Variants in VRTN observed in about 807,000 individuals in gnomAD.
The protein encoded by VRTN is vertebrae development associated, also known as vertnin.
In VRTN, 5 loss-of-function variants were observed where a neutral mutation model predicts 18.2. That is an observed-to-expected ratio of 0.27 (90% confidence interval 0.14 to 0.58). The LOEUF (loss-of-function observed/expected upper bound fraction) is 0.58, where lower values mean the gene tolerates loss of function less well. Among genes scored for constraint, VRTN ranks in the 20% least tolerant of loss-of-function variants. The pLI is 0.91. For missense variants in VRTN, 741 were observed against 939.4 expected, an observed-to-expected ratio of 0.79 and a Z score of 2.76; for synonymous variants, 381 against 393.7, an observed-to-expected ratio of 0.97 and a Z score of 0.38.
chr14:74,357,638 CTG>C lies in VRTN; in HGVS notation c.858_859del (p.Cys286Ter). 2 of 1,613,998 alleles carry C rather than the reference CTG, an allele frequency of 1.2e-6. No individual in the cohort carries two copies. The highest frequency in any genetic ancestry group is 1.7e-6 in the Non-Finnish European group (2 of 1,180,038). On this transcript the variant is annotated frameshift_variant, in exon 2 of 2. Coordinates refer to ENST00000256362, the MANE Select transcript of VRTN (RefSeq NM_018228.3). LOFTEE classifies it low-confidence loss of function (END_TRUNC). The surrounding 1 kb of genome is among the most constrained non-coding windows in gnomAD (Gnocchi z 7.8). ...REPGLSYSHL[C>X]ERYSVTKSTF... ...AACCTGGCCTCAGCTACTCTCACCT[CTG>C]TGAGCGCTACAGCGTCACCAAAAGC...
intron 1 of VRTN, among the ~76,000 whole-genome samples, chr14:74,312,460 T>C (rs2085394202): frequency 6.6e-6 from 1 of 151,950 alleles, no homozygotes; most frequent in African/African-American, 2.4e-5. Flanking sequence ...TTAATCTCTC[T>C]TTTTTTTCAA....
At chr14:74,352,876 C>A (rs1357546123) in intron 1 of VRTN, among the ~76,000 whole-genome samples, 2 of 152,154 alleles carry the variant, frequency 1.3e-5, no homozygotes, top group Non-Finnish European at 2.9e-5. Context: ...TAAAAAGTGT[C>A]TATGAAGGAA....
In VRTN at chr14:74,358,433, T is replaced by C; in HGVS notation, c.1650T>C (p.Gly550=). Residue 550 remains glycine, a synonymous_variant, in exon 2 of 2, where the codon GGT becomes GGC. Transcript: ENST00000256362. This position sits in a 1 kb window ranked among gnomAD's most constrained non-coding sequence, Gnocchi z 5.4. ...AFWVWKSLAR[G]WPRGLSKLQV... is the part of the protein sequence containing the mutation. Reference sequence around the variant, plus strand: ...GGGTCTGGAAGAGTCTTGCTCGGGGTTGGCCCAGAGGCCTGTCCAAACTTC... The same window carrying C: ...GGGTCTGGAAGAGTCTTGCTCGGGGCTGGCCCAGAGGCCTGTCCAAACTTC... The C allele has an allele frequency of 6.2e-7, 1 of 1,614,132 alleles. No individual in the cohort carries two copies.
At chr14:74,313,235 G>A (rs1444262911) in intron 1 of VRTN, among the ~76,000 whole-genome samples, 4 of 152,070 alleles carry the variant, frequency 2.6e-5, no homozygotes, top group East Asian at 1.9e-4. Flanking sequence ...CCAGCCCAGC[G>A]CCTGGCACAT....
chr14:74,328,724 G>A (rs1236084258), intron 1 of VRTN, among the ~76,000 whole-genome samples: 1 of 152,252 alleles, frequency 6.6e-6, no homozygotes, highest in Non-Finnish European at 1.5e-5. Flanking sequence ...TTGGCCAGGT[G>A]CCCTGGCTCA....
chr14:74,325,291 G>A (rs777903503), intron 1 of VRTN, among the ~76,000 whole-genome samples: 4 of 151,996 alleles, frequency 2.6e-5, no homozygotes, highest in Admixed American at 1.3e-4. Flanking sequence ...ATGGTATATA[G>A]AAGGAAAAAG....
At chr14:74,315,278 A>G (rs1027921430) in intron 1 of VRTN, among the ~76,000 whole-genome samples, 3 of 152,030 alleles carry the variant, frequency 2.0e-5, no homozygotes, top group Admixed American at 1.3e-4. Flanking sequence ...TAGCGGTGTG[A>G]TCTTGGCTCA....
Position 74,356,846 on chromosome 14 carries a change from C to A in VRTN, c.63C>A (p.Cys21Ter). 1 of 1,613,092 alleles carries A rather than the reference C, an allele frequency of 6.2e-7. No individual in the cohort carries two copies. The highest frequency in any genetic ancestry group is 2.2e-5 in the East Asian group (1 of 44,872). Residue 21 changes from cysteine to a stop codon, truncating the protein, a stop_gained, in exon 2 of 2, where the codon TGC becomes TGA. Transcript: ENST00000256362. LOFTEE classifies it high-confidence loss of function. ...AGGAGCTGCAGGAAGCAGTGGAGTG[C>A]GAAGGCCTGGAGGGTCTCATAGGTG... ...VLQELQEAVE[C>*]EGLEGLIGAS...
rs756612156 is a variant in VRTN, at chr14:74,358,404, T to C, written c.1621T>C (p.Phe541Leu). 6 of 1,614,032 alleles carry C rather than the reference T, an allele frequency of 3.7e-6. No homozygotes were observed. Among genetic ancestry groups the C allele is most frequent in the Non-Finnish European group, 5.1e-6 (6 of 1,180,048 alleles). The change falls in exon 2 of 2, where the codon TTT becomes CTT. Residue 541 changes from phenylalanine (F) to leucine (L), a missense_variant. Physicochemically the swap from Phe to Leu is conservative, Grantham distance 22. Transcript: ENST00000256362. This position sits in a 1 kb window ranked among gnomAD's most constrained non-coding sequence, Gnocchi z 5.4. ...LRYPSLSPSA[F>L]WVWKSLARGW... is the part of the protein sequence containing the mutation. ...CTACCCCAGCCTGTCACCTTCTGCC[T>C]TTTGGGTCTGGAAGAGTCTTGCTCG...
intron 1 of VRTN, among the ~76,000 whole-genome samples, chr14:74,304,447 T>A (rs1043803089): frequency 2.6e-5 from 4 of 152,198 alleles, no homozygotes; most frequent in Non-Finnish European, 1.5e-5. Context: ...TGAATCACCG[T>A]GCCCGGCCTA....
intron 1 of VRTN, among the ~76,000 whole-genome samples, chr14:74,318,711 C>A (rs1452919296): frequency 8.2e-6 from 1 of 121,690 alleles, no homozygotes; most frequent in African/African-American, 3.4e-5. Context: ...CGTGTCCGGC[C>A]TTTTTTTTTT....
chr14:74,337,571 G>A (rs1000465225), intron 1 of VRTN, among the ~76,000 whole-genome samples: 4 of 152,104 alleles, frequency 2.6e-5, no homozygotes, highest in Non-Finnish European at 5.9e-5. Flanking sequence ...ATGAAATAGA[G>A]AGGGCTGAAG....
intron 1 of VRTN, among the ~76,000 whole-genome samples, chr14:74,312,502 G>T (rs2085394500): frequency 6.6e-6 from 1 of 152,150 alleles, no homozygotes; most frequent in Non-Finnish European, 1.5e-5. Flanking sequence ...CCAGGCTGGA[G>T]TGCAGTGATG....
Position 74,332,335 on chromosome 14 carries a change from G to GTTTTTTT in VRTN, c.-163-5353_-163-5347dup, listed in dbSNP as rs67857502. Among the ~76,000 whole-genome samples the GTTTTTTT allele has an allele frequency of 3.3e-4, 13 of 39,540 alleles. 3 individuals are homozygous for GTTTTTTT. The highest frequency in any genetic ancestry group is 4.5e-4 in the Non-Finnish European group (9 of 20,016). The allele number at this position is 39,540 out of a possible 152,430, so 25.9% of individuals were successfully genotyped here. A position where few individuals can be genotyped will look rare whatever the true frequency, so the allele number is the denominator to read the frequency against. On this transcript the variant is annotated intron_variant, in intron 1 of 2. Coordinates refer to the VRTN transcript ENST00000557177. ...CCTCCGGAGGATCGACTCCTAATCT[G>GTTTTTTT]TTTTTTTTTTTTTTTTTTTTTTTTT...
chr14:74,323,745 G>A (rs905869284), intron 1 of VRTN, among the ~76,000 whole-genome samples: 1 of 152,122 alleles, frequency 6.6e-6, no homozygotes, highest in African/African-American at 2.4e-5. Flanking sequence ...TCCTCCCACT[G>A]GAAGGTCAGG....
intron 2 of VRTN, among the ~76,000 whole-genome samples, chr14:74,342,512 C>T (rs1205235524): frequency 6.6e-6 from 1 of 151,672 alleles, no homozygotes; most frequent in Non-Finnish European, 1.5e-5. Flanking sequence ...TATGTGTGTG[C>T]ATATATGTGT....
At chr14:74,327,078 G>T (rs536622337) in intron 1 of VRTN, among the ~76,000 whole-genome samples, 14 of 152,266 alleles carry the variant, frequency 9.2e-5, no homozygotes, top group Admixed American at 7.2e-4. Flanking sequence ...TAGGTGGTTG[G>T]TTCCCTATCT....
intron 1 of VRTN, among the ~76,000 whole-genome samples, chr14:74,336,498 C>T (rs956342830): frequency 6.6e-6 from 1 of 152,114 alleles, no homozygotes; most frequent in South Asian, 2.1e-4. Context: ...TCTTTCTACT[C>T]CCTAAACACG....
chr14:74,346,863 T>A (rs948692364), upstream of VRTN, among the ~76,000 whole-genome samples: 6 of 152,304 alleles, frequency 3.9e-5, no homozygotes, highest in Middle Eastern at 3.4e-3. Flanking sequence ...ATTAGCCTTT[T>A]AAAAATTTTT....
Sources: gnomAD v4.1 joint callset for allele counts (sites outside exome capture counted in the v4.1 genomes callset) on GRCh38, gnomAD v4.1.1 for gene constraint, Gnocchi (gnomAD v3.1) non-coding constraint, MANE v1.5 for transcripts, NCBI Gene and HGNC (gene_info 2026-07-23, HGNC 2026-07-21) for gene names.